Variants in WARS2 observed in about 807,000 individuals in gnomAD.
WARS2 encodes tryptophanyl tRNA synthetase 2, mitochondrial.
Under a neutral mutation model 36.5 loss-of-function variants are expected in WARS2, and 28 were observed. That is an observed-to-expected ratio of 0.77 (90% CI 0.57 to 1.05). The LOEUF (loss-of-function observed/expected upper bound fraction) is 1.05, where lower values mean the gene tolerates loss of function less well. Ranked by LOEUF, WARS2 falls within the 50% of genes least tolerant of loss-of-function variation. The pLI is 0.00. For synonymous variants in WARS2, 174 were observed against 178.4 expected (o/e 0.98, Z 0.20); for missense variants, 435 against 456.8 (o/e 0.95, Z 0.44).
intron 1 of WARS2, among the ~76,000 whole-genome samples, chr1:119,115,034 G>A (rs1342156545): frequency 6.6e-6 from 1 of 152,134 alleles, no homozygotes. Flanking sequence ...ATGAGATGTG[G>A]TTGTCAGATT....
At chr1:119,092,053 G>C (rs983938841) in intron 1 of WARS2, among the ~76,000 whole-genome samples, 1 of 152,192 alleles carries the variant, frequency 6.6e-6, no homozygotes, top group Non-Finnish European at 1.5e-5. Context: ...CCCGTGGTTA[G>C]AGCAACACAG....
chr1:119,130,708 AT>A (rs143741155), intron 1 of WARS2, among the ~76,000 whole-genome samples: 2 of 152,020 alleles, frequency 1.3e-5, no homozygotes, highest in East Asian at 1.9e-4. Flanking sequence ...TGTCTCACTG[AT>A]TTTTTTTCAC....
chr1:119,140,663 G>C (rs767050890), upstream of WARS2: 1 of 1,605,662 alleles, frequency 6.2e-7, no homozygotes, highest in South Asian at 1.1e-5. Context: ...GGGCGGAGCC[G>C]TCTTGTTTGG....
At chr1:119,108,308 A>T (rs4304634) in intron 1 of WARS2, among the ~76,000 whole-genome samples, 57,305 of 151,356 alleles carry the variant, frequency 0.38, 11,626 homozygotes, top group East Asian at 0.79. Flanking sequence ...CGAACCCATC[A>T]AGGCCTGGTA....
chr1:119,125,464 C>G (rs138812506), intron 1 of WARS2, among the ~76,000 whole-genome samples: 1 of 152,210 alleles, frequency 6.6e-6, no homozygotes, highest in Non-Finnish European at 1.5e-5. Context: ...CTGCTTTGCA[C>G]TAGTCTATCT....
At chr1:119,061,221 A>G (rs895717621) in intron 2 of WARS2, among the ~76,000 whole-genome samples, 3 of 152,252 alleles carry the variant, frequency 2.0e-5, no homozygotes, top group Non-Finnish European at 4.4e-5. Flanking sequence ...GAGGCAGTCA[A>G]TGGAGACCAA....
At chr1:119,108,005 C>T in intron 1 of WARS2, among the ~76,000 whole-genome samples, 1 of 151,998 alleles carries the variant, frequency 6.6e-6, no homozygotes, top group Non-Finnish European at 1.5e-5. Flanking sequence ...ATTAAACCAG[C>T]CTCACATACC....
chr1:119,055,397 G>T (rs1213381330), intron 2 of WARS2, among the ~76,000 whole-genome samples: 1 of 152,140 alleles, frequency 6.6e-6, no homozygotes, highest in Non-Finnish European at 1.5e-5. Context: ...TGGATTATCT[G>T]AGGTCAGGAG....
At chr1:119,132,455 C>T (rs139240009) in intron 1 of WARS2, among the ~76,000 whole-genome samples, 248 of 152,216 alleles carry the variant, frequency 1.6e-3, no homozygotes, top group African/African-American at 5.8e-3. Flanking sequence ...ACTCCAACTT[C>T]GCACTGCACA....
chr1:119,101,173 C>G (rs903456019), intron 1 of WARS2, among the ~76,000 whole-genome samples: 1 of 152,026 alleles, frequency 6.6e-6, no homozygotes, highest in African/African-American at 2.4e-5. Flanking sequence ...CTATAGTTAA[C>G]AAAAATGTAT....
intron 1 of WARS2, among the ~76,000 whole-genome samples, chr1:119,110,654 T>G (rs1328947931): frequency 6.6e-6 from 1 of 152,078 alleles, no homozygotes; most frequent in African/African-American, 2.4e-5. Flanking sequence ...CTTGGTGGTC[T>G]CTGAGTTTCC....
rs1656445985 is a variant in WARS2 at position 119,135,737 on chromosome 1, GATAGATAGAT to G, written c.90+4808_90+4817del. On this transcript the variant is annotated intron_variant, in intron 1 of 5. Transcript: ENST00000235521. ...AGACAGATAGATAGATAGATAGATA[GATAGATAGAT>G]AGATAGAGAGATAGAGAGAGAGAGA... Among the ~76,000 whole-genome samples the G allele has an allele frequency of 1.0e-4, 12 of 116,464 alleles. 3 individuals carry two copies. Among genetic ancestry groups the G allele is most frequent in the African/African-American group, 3.4e-4 (12 of 35,322 alleles). 76.4% of individuals were successfully genotyped at this position (116,464 alleles called of 152,430 possible).
intron 1 of WARS2, chr1:119,085,420 G>T (rs1571337090): frequency 1.4e-6 from 2 of 1,465,904 alleles, no homozygotes; most frequent in Non-Finnish European, 1.9e-6. Flanking sequence ...GAGGATGGTT[G>T]CTCTGCCTGT....
chr1:119,032,209 T>G lies in WARS2; in HGVS notation c.*702A>C, dbSNP rs1647481422. The stretch of plus-strand genomic sequence containing the variant: ...GTTGGTGAGACTAAACTGAAATGAA[T>G]GCAAGAAAGCACTTATTAAGAATAT... On this transcript the variant is annotated 3_prime_UTR_variant, in exon 6 of 6. Transcript: ENST00000235521. 1 of 152,174 alleles carries G rather than the reference T, an allele frequency of 6.6e-6. No homozygotes were observed. Among genetic ancestry groups the G allele is most frequent in the Non-Finnish European group, 1.5e-5 (1 of 68,034 alleles). 9.4% of individuals were successfully genotyped at this position (152,174 alleles called of 1,614,324 possible).
At chr1:119,043,666 T>C (rs1300179643) in intron 3 of WARS2, among the ~76,000 whole-genome samples, 1 of 152,212 alleles carries the variant, frequency 6.6e-6, no homozygotes, top group Non-Finnish European at 1.5e-5. Flanking sequence ...GTAAAGATAA[T>C]GAAAGTTTAA....
intron 4 of WARS2, among the ~76,000 whole-genome samples, chr1:119,036,913 C>T (rs1224866551): frequency 1.3e-5 from 2 of 152,144 alleles, no homozygotes; most frequent in African/African-American, 2.4e-5. Flanking sequence ...TCCTGCTGCT[C>T]CTTTCACCTC....
At chr1:119,044,022 A>G (rs1182596115) in intron 3 of WARS2, among the ~76,000 whole-genome samples, 1 of 152,114 alleles carries the variant, frequency 6.6e-6, no homozygotes, top group East Asian at 1.9e-4. Flanking sequence ...CTTTCTTATT[A>G]CTTGTTTAAT....
chr1:119,042,102 C>T (rs188387510), intron 4 of WARS2, among the ~76,000 whole-genome samples, 162 bp downstream of exon 4: 1 of 152,146 alleles, frequency 6.6e-6, no homozygotes, highest in Non-Finnish European at 1.5e-5. Flanking sequence ...TAGAAACATA[C>T]TTCTATAATG....
intron 1 of WARS2, among the ~76,000 whole-genome samples, chr1:119,117,223 C>T (rs1249606720): frequency 6.6e-6 from 1 of 152,058 alleles, no homozygotes; most frequent in African/African-American, 2.4e-5. Flanking sequence ...GGGAACATAA[C>T]TCAATGGGCC....
Sources: allele counts gnomAD v4.1 joint callset (sites outside exome capture counted in the v4.1 genomes callset), GRCh38; gene constraint gnomAD v4.1.1; transcripts MANE v1.5; gene names NCBI Gene and HGNC (gene_info 2026-07-23, HGNC 2026-07-21).